ITGB6: variants seen among roughly 807,000 people sequenced by gnomAD.
ITGB6 encodes integrin beta-6.
ITGB6 carries 80 observed loss-of-function variants against 84.5 expected under a neutral mutation model. The ratio of observed to expected loss-of-function variants is 0.95; its 90% CI spans 0.79 to 1.14. The LOEUF (loss-of-function observed/expected upper bound fraction) is 1.14. Ranked by LOEUF, ITGB6 falls within the 50% of genes most tolerant of loss-of-function variation. The pLI is 0.00. For synonymous variants in ITGB6, 383 were observed against 354.9 expected, an observed-to-expected ratio of 1.08 and a Z score of -0.89; for missense variants, 1,006 against 968.0, an observed-to-expected ratio of 1.04 and a Z score of -0.52.
At chr2:160,183,795 A>G (rs1285325174) in intron 4 of ITGB6, among the ~76,000 whole-genome samples, 1 of 152,252 alleles carries the variant, frequency 6.6e-6, no homozygotes, top group Non-Finnish European at 1.5e-5. Context: ...ACAGTCTCTC[A>G]TACCATAGTG....
intron 4 of ITGB6, among the ~76,000 whole-genome samples, chr2:160,176,525 T>A (rs1247343567): frequency 6.6e-6 from 1 of 152,232 alleles, no homozygotes; most frequent in Non-Finnish European, 1.5e-5. Context: ...GTTCATCAGG[T>A]TTCATTGAAA....
intron 7 of ITGB6, among the ~76,000 whole-genome samples, chr2:160,152,186 C>T (rs1036040742): frequency 6.6e-6 from 1 of 152,088 alleles, no homozygotes; most frequent in Non-Finnish European, 1.5e-5. Flanking sequence ...ATCATCAGTG[C>T]GAAAATCCTC....
chr2:160,142,587 C>G (rs1684040370), intron 7 of ITGB6, among the ~76,000 whole-genome samples: 1 of 152,200 alleles, frequency 6.6e-6, no homozygotes, highest in South Asian at 2.1e-4. Flanking sequence ...GCACTGAGCT[C>G]TCCCTTCCTC....
chr2:160,115,498 A>T (rs927741205), intron 12 of ITGB6, among the ~76,000 whole-genome samples: 1 of 152,212 alleles, frequency 6.6e-6, no homozygotes, highest in Non-Finnish European at 1.5e-5. Flanking sequence ...CATCCACACC[A>T]AAAACCCTTC....
intron 12 of ITGB6, among the ~76,000 whole-genome samples, chr2:160,119,023 A>G (rs1239532384): frequency 6.6e-6 from 1 of 152,136 alleles, no homozygotes; most frequent in Non-Finnish European, 1.5e-5. Flanking sequence ...AGAGGATACA[A>G]ACAAATGGAA....
intron 4 of ITGB6, among the ~76,000 whole-genome samples, chr2:160,193,245 A>G (rs1686209441): frequency 6.6e-6 from 1 of 152,178 alleles, no homozygotes; most frequent in Non-Finnish European, 1.5e-5. Flanking sequence ...GTCCACCAAT[A>G]AAAGAGTAAA....
At chr2:160,119,907 C>A (rs2105792031) in intron 12 of ITGB6, among the ~76,000 whole-genome samples, 1 of 152,248 alleles carries the variant, frequency 6.6e-6, no homozygotes, top group African/African-American at 2.4e-5. Context: ...CCAAAAGACA[C>A]ATGAAAAAAT....
At chr2:160,180,476 T>C (rs1685621673) in intron 4 of ITGB6, among the ~76,000 whole-genome samples, 2 of 152,174 alleles carry the variant, frequency 1.3e-5, no homozygotes, top group Non-Finnish European at 2.9e-5. Flanking sequence ...TTATTTTATG[T>C]TTAGAGGTAC....
At chr2:160,184,398 G>A (rs1333748804) in intron 4 of ITGB6, among the ~76,000 whole-genome samples, 1 of 152,056 alleles carries the variant, frequency 6.6e-6, no homozygotes, top group East Asian at 1.9e-4. Context: ...ATACATTCCT[G>A]GACACATACA....
intron 6 of ITGB6, among the ~76,000 whole-genome samples, chr2:160,170,429 C>T (rs751296139): frequency 8.5e-5 from 13 of 152,188 alleles, no homozygotes; most frequent in Non-Finnish European, 1.3e-4. Context: ...ATTTCCTCTG[C>T]TTTTCAACTG....
chr2:160,121,397 G>A (rs1449289562), intron 12 of ITGB6, among the ~76,000 whole-genome samples: 3 of 152,150 alleles, frequency 2.0e-5, no homozygotes, highest in Non-Finnish European at 2.9e-5. Context: ...TACCAGGGGC[G>A]CCTTTTTCTA....
chr2:160,163,722 T>C (rs1684905285), intron 7 of ITGB6, among the ~76,000 whole-genome samples: 2 of 152,192 alleles, frequency 1.3e-5, no homozygotes, highest in Admixed American at 1.3e-4. Flanking sequence ...TTGTGAGTTA[T>C]CTCAGTGATT....
rs1358107510 is a variant in ITGB6, at chr2:160,138,139, A to G, written c.1168T>C (p.Phe390Leu). ...GTACCGTTGTTACAGATGGCTGTAAATGACAAGTTGAGTCCTTCAGTGTCT... is the reference window on the plus strand; with the variant it reads ...GTACCGTTGTTACAGATGGCTGTAAGTGACAAGTTGAGTCCTTCAGTGTCT... ...LGDTEGLNLS[F>L]TAICNNGTLF... The change falls in exon 9 of 15, where the codon TTT becomes CTT. Residue 390 changes from phenylalanine (F) to leucine (L), a missense_variant. Phe to Leu is a conservative substitution (Grantham distance 22). Transcript: ENST00000283249. The G allele has an allele frequency of 2.5e-6, 4 of 1,613,794 alleles. No individual in the cohort carries two copies. In the East Asian group the frequency reaches 8.9e-5, roughly 36 times the overall value.
chr2:160,111,519 C>T (rs1682512838), intron 13 of ITGB6, among the ~76,000 whole-genome samples: 1 of 151,616 alleles, frequency 6.6e-6, no homozygotes, highest in Admixed American at 6.6e-5. Flanking sequence ...CTCGGCATAC[C>T]TGAGCTTCAA....
chr2:160,124,433 AG>A (rs1683155175), intron 11 of ITGB6, among the ~76,000 whole-genome samples: 1 of 152,224 alleles, frequency 6.6e-6, no homozygotes, highest in Non-Finnish European at 1.5e-5. Flanking sequence ...GGATCTCAAA[AG>A]CTGTGGATTA....
At chr2:160,178,696 T>C (rs1220237374) in intron 4 of ITGB6, among the ~76,000 whole-genome samples, 3 of 148,126 alleles carry the variant, frequency 2.0e-5, no homozygotes, top group Non-Finnish European at 4.5e-5. Flanking sequence ...CTCTTTTTTT[T>C]TTTTTTTTTT....
intron 10 of ITGB6, among the ~76,000 whole-genome samples, chr2:160,129,223 G>T (rs891889822): frequency 3.9e-5 from 6 of 151,936 alleles, no homozygotes; most frequent in African/African-American, 1.2e-4. Context: ...ACTTAATGAC[G>T]TATGAAATAC....
intron 4 of ITGB6, among the ~76,000 whole-genome samples, chr2:160,178,526 A>G (rs6432609): frequency 0.21 from 31,564 of 152,126 alleles, 7,255 homozygotes; most frequent in African/African-American, 0.55. Flanking sequence ...AAAGTGGAAT[A>G]AAATTTTAAT....
intron 14 of ITGB6, 81 bp from the exon 15 acceptor site, chr2:160,101,915 A>T (rs1273861663): frequency 4.0e-6 from 3 of 751,306 alleles, no homozygotes; most frequent in Non-Finnish European, 6.9e-6. Flanking sequence ...AAATTGGAAG[A>T]GGAGAGTCAA....
Sources: allele counts gnomAD v4.1 joint callset (sites outside exome capture counted in the v4.1 genomes callset), GRCh38; gene constraint gnomAD v4.1.1; transcripts MANE v1.5; gene names NCBI Gene and HGNC (gene_info 2026-07-23, HGNC 2026-07-21).